Variants in WDR7 observed in about 807,000 individuals in gnomAD.
The protein encoded by WDR7 is WD repeat-containing protein 7.
Under a neutral mutation model 169.4 loss-of-function variants are expected in WDR7, and 46 were observed. The ratio of observed to expected loss-of-function variants is 0.27; its 90% confidence interval spans 0.21 to 0.35. The LOEUF is 0.35. Ranked by LOEUF, WDR7 falls within the 10% of genes least tolerant of loss-of-function variation. WDR7 has a pLI of 1.00. For missense variants in WDR7, 1,534 were observed against 1,859.3 expected (o/e 0.83, Z 3.22); for synonymous variants, 612 against 666.8 (o/e 0.92, Z 1.27).
chr18:56,924,125 GTTAAT>G lies in WDR7; in HGVS notation c.3713+25_3713+29del. ...ACTTGCCAAGTATGTGTGGATTCCG[GTTAAT>G]TTAATTTGTCACTGTTTTTTGTTTT... is the stretch of plus-strand genomic sequence containing the variant. On this transcript the variant is annotated intron_variant, in intron 22 of 27. Transcript: ENST00000254442. 6.2e-7 allele frequency: 1 copy of G among 1,606,330 alleles called. No homozygotes were observed. Among genetic ancestry groups the G allele is most frequent in the Non-Finnish European group, 8.5e-7 (1 of 1,177,858 alleles).
chr18:56,953,572 G>T (rs113510796), intron 25 of WDR7, among the ~76,000 whole-genome samples: 6,392 of 152,346 alleles, frequency 0.042, 443 homozygotes, highest in African/African-American at 0.14. Flanking sequence ...GGGCCTGTCA[G>T]GCAGTCCCTG....
chr18:56,979,150 G>T (rs537657499), intron 26 of WDR7, among the ~76,000 whole-genome samples: 1 of 151,844 alleles, frequency 6.6e-6, no homozygotes, highest in African/African-American at 2.4e-5. Context: ...CCTATATATG[G>T]GTTATTAATA....
intron 20 of WDR7, among the ~76,000 whole-genome samples, chr18:56,876,690 A>G (rs912038759): frequency 1.3e-5 from 2 of 152,220 alleles, no homozygotes; most frequent in Admixed American, 6.5e-5. Context: ...AAATGCATGT[A>G]TTAAATACGT....
In WDR7 at chr18:56,686,894, T is replaced by A. The variant is rs1235594512; in HGVS notation, c.637T>A (p.Tyr213Asn). 20 of 1,610,176 alleles carry A rather than the reference T, an allele frequency of 1.2e-5. No individual in the cohort carries two copies. Among genetic ancestry groups the A allele is most frequent in the Non-Finnish European group, 1.5e-5 (18 of 1,176,586 alleles). The change falls in exon 7 of 28, where the codon TAT (tyrosine) becomes AAT (asparagine). Residue 213 changes from tyrosine (Y) to asparagine (N), a missense_variant. Tyr to Asn is a moderately radical substitution (Grantham distance 143, BLOSUM62 -2). Transcript: ENST00000254442. ...ATTTGAGGAGGAATCCAAACCAATT[T>A]ATTGTCAGAATTGCCAAAGCATCTC... The part of the protein sequence containing the change: ...PIFEEESKPI[Y>N]CQNCQSISFC...
intron 1 of WDR7, among the ~76,000 whole-genome samples, chr18:56,663,704 A>G (rs1192762830): frequency 6.6e-6 from 1 of 151,992 alleles, no homozygotes; most frequent in East Asian, 1.9e-4. Flanking sequence ...ATGTAGATAT[A>G]CCACATTGCC....
chr18:56,886,048 A>G (rs2046187340), intron 21 of WDR7, among the ~76,000 whole-genome samples: 1 of 152,216 alleles, frequency 6.6e-6, no homozygotes, highest in Non-Finnish European at 1.5e-5. Flanking sequence ...AAAAGTTTGG[A>G]AAACATATTT....
Position 56,928,826 on chromosome 18 carries a change from G to GA in WDR7, c.3713+4725dup, listed in dbSNP as rs1352678639. Among the ~76,000 whole-genome samples the GA allele has an allele frequency of 9.9e-5, 15 of 152,182 alleles. No homozygotes were observed. In the South Asian group the frequency reaches 2.1e-3, roughly 21 times the overall value. On this transcript the variant is annotated intron_variant, in intron 22 of 27. Coordinates refer to ENST00000254442, the MANE Select transcript of WDR7 (RefSeq NM_015285.3). ...TGTCCAGAGTAACATTGTAGTTACT[G>GA]AAAAAAATAAGATTCAAACCCTACT...
chr18:56,994,487 C>G (rs1236962593), intron 26 of WDR7, among the ~76,000 whole-genome samples: 1 of 152,072 alleles, frequency 6.6e-6, no homozygotes, highest in Non-Finnish European at 1.5e-5. Context: ...ATTAAATGTG[C>G]TCTCTCATCT....
intron 25 of WDR7, among the ~76,000 whole-genome samples, chr18:56,945,449 A>G (rs922572454): frequency 1.3e-5 from 2 of 152,228 alleles, no homozygotes; most frequent in African/African-American, 4.8e-5. Flanking sequence ...CATAGAGAAG[A>G]CATAAAATAT....
intron 26 of WDR7, among the ~76,000 whole-genome samples, chr18:57,020,207 C>T (rs62100197): frequency 0.24 from 35,800 of 152,140 alleles, 4,674 homozygotes; most frequent in Non-Finnish European, 0.29. Flanking sequence ...TGTATATTTA[C>T]TAATTGCAGC....
In WDR7 at chr18:56,757,310, A is replaced by G. The variant is rs1219404111; in HGVS notation, c.2717A>G (p.Asn906Ser). The change falls in exon 15 of 28, where the codon AAT becomes AGT. Residue 906 changes from asparagine to serine, a missense_variant. Coordinates refer to ENST00000254442, the MANE Select transcript of WDR7 (RefSeq NM_015285.3). Reference sequence around the variant, plus strand: ...GCAAATACTTTAATGAGTATGACCAATGCAACTTTTATTGGTGATCATATG... The same window carrying G: ...GCAAATACTTTAATGAGTATGACCAGTGCAACTTTTATTGGTGATCATATG... ...SLANTLMSMT[N>S]ATFIGDHMKK... is the part of the protein sequence containing the mutation. 8 of 1,612,744 alleles carry G rather than the reference A, an allele frequency of 5.0e-6. No homozygotes were observed. The Admixed American group carries it at 1.2e-4, about 24-fold the overall frequency.
At chr18:56,727,017 T>C (rs898752477) in intron 13 of WDR7, among the ~76,000 whole-genome samples, 1 of 152,184 alleles carries the variant, frequency 6.6e-6, no homozygotes, top group African/African-American at 2.4e-5. Context: ...TGGTAGTCTA[T>C]TCTGCAAACT....
At chr18:56,735,034 A>G (rs1373254447) in intron 14 of WDR7, among the ~76,000 whole-genome samples, 1 of 152,194 alleles carries the variant, frequency 6.6e-6, no homozygotes, top group Non-Finnish European at 1.5e-5. Flanking sequence ...ATGATGCTGA[A>G]TACTTTTAAA....
At chr18:56,768,156 A>C (rs1024303434) in intron 16 of WDR7, among the ~76,000 whole-genome samples, 1 of 152,188 alleles carries the variant, frequency 6.6e-6, no homozygotes, top group Admixed American at 6.5e-5. Flanking sequence ...TCACCTGGTC[A>C]AGTCTGAAGA....
intron 25 of WDR7, among the ~76,000 whole-genome samples, chr18:56,943,924 A>G (rs945070556): frequency 1.6e-5 from 2 of 121,324 alleles, no homozygotes; most frequent in Non-Finnish European, 3.6e-5. Flanking sequence ...TTATTTTGTT[A>G]TTTAGTTTTT....
At chr18:56,862,763 T>A (rs1408658987) in intron 20 of WDR7, among the ~76,000 whole-genome samples, 1 of 151,910 alleles carries the variant, frequency 6.6e-6, no homozygotes, top group Non-Finnish European at 1.5e-5. Context: ...CTTTTTATTT[T>A]AGCATAAGAC....
chr18:56,946,701 A>C lies in WDR7; in HGVS notation c.4064+7308A>C, dbSNP rs527356413. On this transcript the variant is annotated intron_variant, in intron 25 of 27. Coordinates refer to ENST00000254442, the MANE Select transcript of WDR7 (RefSeq NM_015285.3). ...GTGTGTATGTATTATGTATGTGTAT[A>C]TGTACCTAAGTACATATATGTGTGT... Among the ~76,000 whole-genome samples the C allele has an allele frequency of 2.0e-5, 3 of 152,220 alleles. No individual in the cohort carries two copies. In the East Asian group the frequency reaches 5.8e-4, roughly 29 times the overall value.
chr18:56,702,266 G>A (rs1219389883), intron 12 of WDR7, among the ~76,000 whole-genome samples: 1 of 151,984 alleles, frequency 6.6e-6, no homozygotes, highest in African/African-American at 2.4e-5. Flanking sequence ...GTTGCTTATC[G>A]TTCTCCTTTT....
intron 9 of WDR7, 148 bp from the exon 10 acceptor site, chr18:56,694,471 A>G (rs2025652009): frequency 9.0e-6 from 6 of 667,270 alleles, no homozygotes; most frequent in Middle Eastern, 4.4e-4. Context: ...GAATTACATT[A>G]AAATATTGTT....
Sources: allele counts gnomAD v4.1 joint callset (sites outside exome capture counted in the v4.1 genomes callset), GRCh38; gene constraint gnomAD v4.1.1; transcripts MANE v1.5; gene names NCBI Gene and HGNC (gene_info 2026-07-23, HGNC 2026-07-21).